Variants in DPYD observed in about 807,000 individuals in gnomAD.
DPYD encodes the protein dihydropyrimidine dehydrogenase.
A neutral mutation model predicts 116.2 loss-of-function variants in DPYD; 109 were observed. The observed-to-expected ratio is 0.94, with a 90% CI of 0.80 to 1.10. The LOEUF (loss-of-function observed/expected upper bound fraction) is 1.10. DPYD is among the 50% of genes least tolerant of loss of function. The pLI, the probability that DPYD is intolerant of heterozygous loss-of-function variation, is 0.00. For missense variants in DPYD, 1,302 were observed against 1,254.5 expected, an observed-to-expected ratio of 1.04 and a Z score of -0.57; for synonymous variants, 440 against 432.0, an observed-to-expected ratio of 1.02 and a Z score of -0.23.
intron 18 of DPYD, among the ~76,000 whole-genome samples, chr1:97,299,249 G>T (rs543721277): frequency 3.3e-5 from 5 of 152,052 alleles, no homozygotes; most frequent in Admixed American, 3.3e-4. Flanking sequence ...AACATTTTTT[G>T]ATTAATTTCA....
At chr1:97,587,277 G>A (rs905073738) in intron 10 of DPYD, among the ~76,000 whole-genome samples, 1 of 152,212 alleles carries the variant, frequency 6.6e-6, no homozygotes, top group African/African-American at 2.4e-5. Context: ...TGTGCCTAGA[G>A]AAGATTTTGT....
At chr1:97,773,720 TGGTTGGA>T (rs1235113797) in intron 3 of DPYD, among the ~76,000 whole-genome samples, 1 of 152,098 alleles carries the variant, frequency 6.6e-6, no homozygotes, top group East Asian at 1.9e-4. Context: ...TGGCTGAGGG[TGGTTGGA>T]GAAGAGCCCA....
chr1:97,793,925 T>A (rs952193930), intron 3 of DPYD, among the ~76,000 whole-genome samples: 1 of 152,052 alleles, frequency 6.6e-6, no homozygotes, highest in Admixed American at 6.6e-5. Flanking sequence ...TGTGTTTGTT[T>A]GTTTGTTTGG....
At chr1:97,824,552 T>C (rs1300739987) in intron 3 of DPYD, among the ~76,000 whole-genome samples, 1 of 152,174 alleles carries the variant, frequency 6.6e-6, no homozygotes, top group Non-Finnish European at 1.5e-5. Flanking sequence ...TGGCCATATG[T>C]GGCTGAGGGC....
chr1:97,106,243 A>G (rs993568), intron 20 of DPYD, among the ~76,000 whole-genome samples: 68,357 of 151,952 alleles, frequency 0.45, 16,932 homozygotes, highest in East Asian at 0.97. Flanking sequence ...GTAGAAAATT[A>G]AAAAAGGGTT....
At chr1:97,169,523 TTTTTA>T (rs11275458) in intron 20 of DPYD, among the ~76,000 whole-genome samples, 27,098 of 142,946 alleles carry the variant, frequency 0.19, 2,659 homozygotes, top group Middle Eastern at 0.26. Flanking sequence ...ATTGGGTTAA[TTTTTA>T]TTTTATTTTA....
intron 19 of DPYD, among the ~76,000 whole-genome samples, chr1:97,221,001 T>C (rs1039319316): frequency 6.6e-6 from 1 of 152,120 alleles, no homozygotes; most frequent in Non-Finnish European, 1.5e-5. Flanking sequence ...AGCCCCAGAG[T>C]AGCCAGTCTT....
chr1:97,713,537 A>G (rs2101007136), intron 5 of DPYD, among the ~76,000 whole-genome samples: 1 of 152,270 alleles, frequency 6.6e-6, no homozygotes, highest in East Asian at 1.9e-4. Context: ...ATATTTTAAT[A>G]GATTTCTAAA....
At chr1:97,623,062 A>T (rs1656719687) in intron 8 of DPYD, among the ~76,000 whole-genome samples, 1 of 152,006 alleles carries the variant, frequency 6.6e-6, no homozygotes, top group Non-Finnish European at 1.5e-5. Flanking sequence ...ATGAGATAGG[A>T]CTCTGGTCAT....
At chr1:97,890,842 A>G (rs1019976366) in intron 1 of DPYD, among the ~76,000 whole-genome samples, 1 of 151,988 alleles carries the variant, frequency 6.6e-6, no homozygotes, top group Non-Finnish European at 1.5e-5. Flanking sequence ...CAGCATAGCA[A>G]TATAACTTTT....
chr1:97,495,653 C>CATTATT (rs1679218814), intron 13 of DPYD, among the ~76,000 whole-genome samples: 1 of 151,902 alleles, frequency 6.6e-6, no homozygotes, highest in Non-Finnish European at 1.5e-5. Context: ...ACATCATTAT[C>CATTATT]ATTATTATTA....
chr1:97,817,498 A>G (rs1197295817), intron 3 of DPYD, among the ~76,000 whole-genome samples: 1 of 152,066 alleles, frequency 6.6e-6, no homozygotes, highest in Non-Finnish European at 1.5e-5. Context: ...CTTCCAGAAG[A>G]GATGACTTAC....
intron 19 of DPYD, among the ~76,000 whole-genome samples, chr1:97,223,177 T>A (rs1660888839): frequency 6.6e-6 from 1 of 152,070 alleles, no homozygotes; most frequent in South Asian, 2.1e-4. Context: ...CATTTCCTGA[T>A]CACATTAAAA....
Position 97,703,856 on chromosome 1 carries a change from C to T in DPYD, c.484-4309G>A, listed in dbSNP as rs139105116. Among the ~76,000 whole-genome samples, 28 of 152,106 alleles carry T rather than the reference C, an allele frequency of 1.8e-4. 1 individual carries two copies. Among genetic ancestry groups the T allele is most frequent in the African/African-American group, 6.7e-4 (28 of 41,514 alleles). Reference sequence around the variant, plus strand: ...ATTTTTAATATGATTTTTATGACTACATGTTCATATACTTTAATTTTTCAA... The same window carrying T: ...ATTTTTAATATGATTTTTATGACTATATGTTCATATACTTTAATTTTTCAA... On this transcript the variant is annotated intron_variant, in intron 5 of 22. Transcript: ENST00000370192.
chr1:97,167,311 A>C (rs1483212247), intron 20 of DPYD, among the ~76,000 whole-genome samples: 1 of 152,168 alleles, frequency 6.6e-6, no homozygotes, highest in Non-Finnish European at 1.5e-5. Context: ...TAGATTTAAA[A>C]ATTAAAGCAC....
intron 20 of DPYD, among the ~76,000 whole-genome samples, chr1:97,100,027 G>A (rs928375699): frequency 3.9e-5 from 6 of 152,018 alleles, no homozygotes; most frequent in African/African-American, 1.4e-4. Context: ...TATATACAAT[G>A]AGACTAGAAC....
At chr1:97,372,903 T>C (rs1474620459) in intron 16 of DPYD, among the ~76,000 whole-genome samples, 1 of 152,226 alleles carries the variant, frequency 6.6e-6, no homozygotes, top group Non-Finnish European at 1.5e-5. Flanking sequence ...AATTATAAGA[T>C]GCAAAATACT....
intron 2 of DPYD, among the ~76,000 whole-genome samples, chr1:97,837,007 A>G (rs1669802880): frequency 6.6e-6 from 1 of 152,140 alleles, no homozygotes; most frequent in Non-Finnish European, 1.5e-5. Flanking sequence ...GAACCATTTA[A>G]GTTTTTGTGT....
At chr1:97,514,123 T>G (rs924447499) in intron 13 of DPYD, 2 of 866,654 alleles carry the variant, frequency 2.3e-6, no homozygotes, top group East Asian at 1.2e-4. Flanking sequence ...ATCACACACT[T>G]CTAAATTGAT....
Sources: gnomAD v4.1 joint callset for allele counts (sites outside exome capture counted in the v4.1 genomes callset) on GRCh38, gnomAD v4.1.1 for gene constraint, MANE v1.5 for transcripts, NCBI Gene and HGNC (gene_info 2026-07-23, HGNC 2026-07-21) for gene names.